Variants in ADH4 observed in about 807,000 individuals in gnomAD.
ADH4 encodes the protein alcohol dehydrogenase 4 (class II), pi polypeptide.
A neutral mutation model predicts 35.2 loss-of-function variants in ADH4; 31 were observed. The observed-to-expected ratio is 0.88, with a 90% CI of 0.66 to 1.19. The LOEUF is 1.19. ADH4 is among the 50% of genes most tolerant of loss of function. The pLI, the probability that ADH4 is intolerant of heterozygous loss-of-function variation, is 0.00. For missense variants in ADH4, 476 were observed against 458.3 expected (o/e 1.04, Z -0.35); for synonymous variants, 171 against 160.2 (o/e 1.07, Z -0.51).
intron 1 of ADH4, 48 bp downstream of exon 1, chr4:99,144,157 G>A (rs1211571168): frequency 6.2e-7 from 1 of 1,606,700 alleles, no homozygotes. Flanking sequence ...AAACATACAA[G>A]GACACAGAAA....
chr4:99,143,292 C>T (rs1729696379), intron 1 of ADH4: 4 of 697,564 alleles, frequency 5.7e-6, no homozygotes, highest in South Asian at 1.5e-5. Flanking sequence ...GCCTCAAATC[C>T]ACTAAATCAA....
chr4:99,144,131 G>A (rs1042506468), intron 1 of ADH4, 74 bp downstream of exon 1: 52 of 1,535,810 alleles, frequency 3.4e-5, no homozygotes, highest in Non-Finnish European at 4.5e-5. Context: ...GTTCCTGAAG[G>A]AAGCTCCTTT....
At chr4:99,125,496 A>G (rs1217489945) in intron 8 of ADH4, among the ~76,000 whole-genome samples, 1 of 152,202 alleles carries the variant, frequency 6.6e-6, no homozygotes, top group Non-Finnish European at 1.5e-5. Flanking sequence ...GTTCGAGGAT[A>G]TGAATAGAAG....
intron 6 of ADH4, among the ~76,000 whole-genome samples, chr4:99,128,871 C>G (rs1326004454): frequency 6.6e-6 from 1 of 152,052 alleles, no homozygotes; most frequent in East Asian, 1.9e-4. Context: ...GTGATCATAG[C>G]TCACTGCAGC....
rs200202232 is a variant in ADH4, at chr4:99,126,672, T to C, written c.1040A>G (p.Asn347Ser). The C allele has an allele frequency of 1.4e-5, 23 of 1,612,032 alleles. No homozygotes were observed. The highest frequency in any genetic ancestry group is 2.7e-5 in the African/African-American group (2 of 74,938). The change falls in exon 8 of 9, where the codon AAT (asparagine) becomes AGT (serine). Residue 347 changes from asparagine (N) to serine (S), a missense_variant. By Grantham distance (46) the Asn-to-Ser change is conservative (BLOSUM62 1). Coordinates refer to ENST00000265512, the MANE Select transcript of ADH4 (RefSeq NM_000670.5). ...LVTDYKNKKF[N>S]LDALVTHTLP... is the part of the protein sequence containing the mutation. ...GGTATGGGTCACCAGTGCATCCAGATTGAATTTCTTATTCTTATAGTCAGT... is the reference window on the plus strand; with the variant it reads ...GGTATGGGTCACCAGTGCATCCAGACTGAATTTCTTATTCTTATAGTCAGT...
At chr4:99,139,020 C>A in intron 4 of ADH4, 41 bp downstream of exon 4, 1 of 1,468,702 alleles carries the variant, frequency 6.8e-7, no homozygotes, top group Non-Finnish European at 9.4e-7. Flanking sequence ...CCAAAATATT[C>A]ATTCAAATTT....
In ADH4 at chr4:99,131,744, A is replaced by G. The variant is rs1177869897; in HGVS notation, c.603T>C (p.Cys201=). The G allele has an allele frequency of 2.5e-6, 4 of 1,614,100 alleles. No individual in the cohort carries two copies. The highest frequency in any genetic ancestry group is 3.4e-6 in the Non-Finnish European group (4 of 1,179,976). Residue 201 remains cysteine, a synonymous_variant, in exon 6 of 9, where the codon TGT becomes TGC. Coordinates refer to ENST00000265512, the MANE Select transcript of ADH4 (RefSeq NM_000670.5). ...NNAKVTPGST[C]AVFGLGGVGL... is the part of the protein sequence containing the mutation. ...CCACACCTCCTAGGCCAAAGACAGC[A>G]CAAGTCGAACCAGGGGTGACCTGCA... is the stretch of plus-strand genomic sequence containing the variant.
At chr4:99,143,079 A>G (rs992182496) in intron 1 of ADH4, 3 of 697,326 alleles carry the variant, frequency 4.3e-6, no homozygotes, top group African/African-American at 3.5e-5. Flanking sequence ...CCTCTATAAC[A>G]GAGAGAATAG....
At position 99,131,725 on chromosome 4, in the gene ADH4, C is replaced by CTCCT. The variant is rs1481144037; in HGVS notation, c.618_621dup (p.Gly208ArgfsTer12). 6.2e-7 allele frequency: 1 copy of CTCCT among 1,614,136 alleles called. No homozygotes were observed. Among genetic ancestry groups the CTCCT allele is most frequent in the South Asian group, 1.1e-5 (1 of 91,082 alleles). On this transcript the variant is annotated frameshift_variant, in exon 6 of 9. Coordinates refer to ENST00000265512, the MANE Select transcript of ADH4 (RefSeq NM_000670.5). LOFTEE classifies it high-confidence loss of function. ...CCCATTACAGCAGAAAGACCCACAC[C>CTCCT]TCCTAGGCCAAAGACAGCACAAGTC...
intron 5 of ADH4, among the ~76,000 whole-genome samples, 172 bp from the exon 6 acceptor site, chr4:99,131,936 C>G (rs1729292386): frequency 6.6e-6 from 1 of 152,122 alleles, no homozygotes; most frequent in African/African-American, 2.4e-5. Context: ...GGATGCATTA[C>G]TACTTAAATT....
chr4:99,140,553 C>T (rs956840753), intron 3 of ADH4, among the ~76,000 whole-genome samples: 1 of 144,082 alleles, frequency 6.9e-6, no homozygotes, highest in Non-Finnish European at 1.5e-5. Flanking sequence ...CAGCCTGGCA[C>T]AGAGTGAGAC....
At chr4:99,133,532 T>C (rs1729349277) in intron 5 of ADH4, 1 of 152,222 alleles carries the variant, frequency 6.6e-6, no homozygotes. Context: ...GATACTTCAC[T>C]TTCCTTAATT....
chr4:99,126,497 G>T lies in ADH4; in HGVS notation c.1118+97C>A, dbSNP rs1224158261. ...ATCTAGTACCTGGGATGTGGAAAAT[G>T]TCAGAAAAAACAAGCTGGTTGCTTC... is the stretch of plus-strand genomic sequence containing the variant. On this transcript the variant is annotated intron_variant, in intron 8 of 8. Coordinates refer to ENST00000265512, the MANE Select transcript of ADH4 (RefSeq NM_000670.5). 6 of 1,288,708 alleles carry T rather than the reference G, an allele frequency of 4.7e-6. No individual in the cohort carries two copies. The African/African-American group carries it at 7.4e-5, about 16-fold the overall frequency. The allele number at this position is 1,288,708 out of a possible 1,614,324, so 79.8% of individuals were successfully genotyped here.
rs767779095 is a variant in ADH4 at position 99,136,678 on chromosome 4, T to C, written c.370A>G (p.Ser124Gly). Residue 124 changes from serine to glycine, a missense_variant, in exon 5 of 9, where the codon AGT becomes GGT. Transcript: ENST00000265512. ...GKISNLKSPA[S>G]DQQLMEDKTS... ...TTGTCTTCCATTAGTTGTTGATCAC[T>C]AGCAGGACTTTTGAGATTACTAGAA... The C allele has an allele frequency of 6.8e-6, 11 of 1,612,278 alleles. No homozygotes were observed. In the South Asian group the frequency reaches 1.2e-4, roughly 18 times the overall value.
intron 6 of ADH4, among the ~76,000 whole-genome samples, chr4:99,130,409 G>A (rs1729235568): frequency 6.6e-6 from 1 of 152,196 alleles, no homozygotes; most frequent in Non-Finnish European, 1.5e-5. Flanking sequence ...CTTAGCAGGT[G>A]TTAGTAAACA....
intron 6 of ADH4, among the ~76,000 whole-genome samples, chr4:99,129,962 A>G (rs934616595): frequency 6.6e-6 from 1 of 152,218 alleles, no homozygotes; most frequent in Non-Finnish European, 1.5e-5. Context: ...TGGGCTTCCC[A>G]TAAGGAGAAG....
intron 6 of ADH4, among the ~76,000 whole-genome samples, chr4:99,128,539 G>A (rs1248564454): frequency 2.6e-5 from 4 of 152,152 alleles, no homozygotes; most frequent in African/African-American, 9.7e-5. Flanking sequence ...AAAAGTATAT[G>A]TAAATGAAAT....
intron 4 of ADH4, among the ~76,000 whole-genome samples, chr4:99,137,818 A>T (rs1729494359): frequency 6.6e-6 from 1 of 152,164 alleles, no homozygotes; most frequent in Non-Finnish European, 1.5e-5. Flanking sequence ...CAAATCCCAG[A>T]TATCACGATT....
chr4:99,129,445 G>T (rs1729205966), intron 6 of ADH4, among the ~76,000 whole-genome samples: 1 of 152,120 alleles, frequency 6.6e-6, no homozygotes, highest in South Asian at 2.1e-4. Context: ...ATTAAAAAAG[G>T]ATTATTTAGA....
Sources: allele counts gnomAD v4.1 joint callset (sites outside exome capture counted in the v4.1 genomes callset), GRCh38; gene constraint gnomAD v4.1.1; transcripts MANE v1.5; gene names NCBI Gene and HGNC (gene_info 2026-07-23, HGNC 2026-07-21).